ZBTB20: variants seen among roughly 807,000 people sequenced by gnomAD.
ZBTB20 encodes the protein zinc finger and BTB domain containing 20, also known as zinc finger and BTB domain-containing protein 20.
Under a neutral mutation model 56.9 loss-of-function variants are expected in ZBTB20, and 9 were observed. The ratio of observed to expected loss-of-function variants is 0.16; its 90% CI spans 0.10 to 0.28. The LOEUF (loss-of-function observed/expected upper bound fraction) is 0.28. Among genes scored for constraint, ZBTB20 ranks in the 10% least tolerant of loss-of-function variants. ZBTB20 has a pLI of 1.00. For synonymous variants in ZBTB20, 417 were observed against 420.7 expected, an observed-to-expected ratio of 0.99 and a Z score of 0.11; for missense variants, 655 against 1,003.0, an observed-to-expected ratio of 0.65 and a Z score of 4.69.
At chr3:115,002,660 G>A (rs528042040) in intron 2 of ZBTB20, among the ~76,000 whole-genome samples, 43 of 151,606 alleles carry the variant, frequency 2.8e-4, no homozygotes, top group African/African-American at 1.0e-3. Flanking sequence ...CTATTGGAAC[G>A]GCTAAAACTC....
chr3:114,590,182 C>T (rs990337310), intron 6 of ZBTB20, among the ~76,000 whole-genome samples: 5 of 152,116 alleles, frequency 3.3e-5, no homozygotes, highest in Admixed American at 3.3e-4. Context: ...AGGCCGTGTG[C>T]GAAGGCTCAC....
intron 5 of ZBTB20, among the ~76,000 whole-genome samples, chr3:114,733,789 G>T (rs966671741): frequency 1.9e-4 from 29 of 152,286 alleles, no homozygotes; most frequent in African/African-American, 7.0e-4. Flanking sequence ...TGGAAGGGTA[G>T]AAGAAAGGAC....
intron 5 of ZBTB20, among the ~76,000 whole-genome samples, chr3:114,752,263 C>T (rs1271844561): frequency 2.0e-5 from 3 of 150,338 alleles, no homozygotes; most frequent in Admixed American, 6.6e-5. Flanking sequence ...TCTATCTACT[C>T]TAGGTGGGGG....
At chr3:114,765,014 G>A (rs901318856) in intron 5 of ZBTB20, among the ~76,000 whole-genome samples, 13 of 152,002 alleles carry the variant, frequency 8.6e-5, no homozygotes, top group African/African-American at 2.9e-4. Context: ...AAACACTTTC[G>A]GAAGAAAGTA....
At chr3:114,875,276 T>C (rs1237152516) in intron 4 of ZBTB20, among the ~76,000 whole-genome samples, 1 of 152,142 alleles carries the variant, frequency 6.6e-6, no homozygotes, top group East Asian at 1.9e-4. Context: ...CTAAGTAATA[T>C]CAAAAGCTGT....
At chr3:114,986,162 G>A (rs977851173) in intron 2 of ZBTB20, among the ~76,000 whole-genome samples, 1 of 152,008 alleles carries the variant, frequency 6.6e-6, no homozygotes. Flanking sequence ...AAATATATGT[G>A]TATGGGGGGG....
intron 2 of ZBTB20, among the ~76,000 whole-genome samples, chr3:115,038,294 A>C (rs2081008951): frequency 6.6e-6 from 1 of 152,224 alleles, no homozygotes; most frequent in African/African-American, 2.4e-5. Context: ...AGATACTCAT[A>C]AACCCAATTA....
intron 2 of ZBTB20, among the ~76,000 whole-genome samples, chr3:114,999,061 G>C (rs1560477593): frequency 6.8e-6 from 1 of 147,168 alleles, no homozygotes; most frequent in Non-Finnish European, 1.5e-5. Context: ...GAAAGGAGAG[G>C]AGAGGAGAGC....
At chr3:114,817,337 G>A (rs945310766) in intron 4 of ZBTB20, among the ~76,000 whole-genome samples, 6 of 151,810 alleles carry the variant, frequency 4.0e-5, no homozygotes, top group Non-Finnish European at 7.4e-5. Flanking sequence ...TGACCAACAT[G>A]GAGAAACCCC....
At chr3:114,623,677 C>T (rs1417880534) in intron 6 of ZBTB20, among the ~76,000 whole-genome samples, 1 of 152,166 alleles carries the variant, frequency 6.6e-6, no homozygotes, top group African/African-American at 2.4e-5. Context: ...CATGTAAGTA[C>T]TGTGAGCATA....
intron 6 of ZBTB20, among the ~76,000 whole-genome samples, chr3:114,626,801 CATG>C (rs2058679227): frequency 6.6e-6 from 1 of 152,142 alleles, no homozygotes; most frequent in African/African-American, 2.4e-5. Context: ...GCCTTAACCG[CATG>C]ATGAGGGCTT....
At chr3:115,035,196 G>A (rs1334539316) in intron 2 of ZBTB20, among the ~76,000 whole-genome samples, 2 of 151,940 alleles carry the variant, frequency 1.3e-5, no homozygotes, top group African/African-American at 4.8e-5. Flanking sequence ...CATAGGCAAT[G>A]ACAACAAAAA....
intron 1 of ZBTB20, among the ~76,000 whole-genome samples, chr3:115,077,789 T>G (rs1358604195): frequency 6.6e-6 from 1 of 152,130 alleles, no homozygotes; most frequent in Non-Finnish European, 1.5e-5. Flanking sequence ...TTGGTAGGAA[T>G]GCAAAATGGT....
intron 6 of ZBTB20, among the ~76,000 whole-genome samples, chr3:114,683,717 C>A (rs1374949552): frequency 6.6e-6 from 1 of 152,026 alleles, no homozygotes; most frequent in Non-Finnish European, 1.5e-5. Context: ...AAGCCCCACT[C>A]TCCCCATCCT....
At chr3:114,649,920 C>T (rs2107988499) in intron 6 of ZBTB20, among the ~76,000 whole-genome samples, 1 of 151,972 alleles carries the variant, frequency 6.6e-6, no homozygotes, top group South Asian at 2.1e-4. Flanking sequence ...GGGCACCATG[C>T]TTTGAATTTA....
In ZBTB20 at chr3:114,427,174, A is replaced by G. The variant is rs79013881; in HGVS notation, c.-254-38069T>C. On this transcript the variant is annotated intron_variant, in intron 7 of 11. Coordinates refer to ENST00000675478, the MANE Select transcript of ZBTB20 (RefSeq NM_001348800.3). Reference sequence around the variant, plus strand: ...CAGCATCTGAGTGTAACAAGAAATAATACCAAAATGAGAGTTTCCCAAATT... The same window carrying G: ...CAGCATCTGAGTGTAACAAGAAATAGTACCAAAATGAGAGTTTCCCAAATT... Among the ~76,000 whole-genome samples the G allele has an allele frequency of 3.6e-3, 554 of 152,320 alleles. 3 individuals are homozygous for G. Among genetic ancestry groups the G allele is most frequent in the African/African-American group, 0.012 (515 of 41,560 alleles).
At chr3:114,748,352 T>TCTTTTCTCTCTCTCTCTCTCTCTCTC (rs374192570) in intron 5 of ZBTB20, among the ~76,000 whole-genome samples, 1 of 48,652 alleles carries the variant, frequency 2.1e-5, no homozygotes, top group African/African-American at 5.7e-5. Flanking sequence ...TTTCTTTCTT[T>TCTTTTCTCTCTCTCTCTCTCTCTCTC]TCTCTCTCTC....
At chr3:114,536,913 T>C (rs1262216647) in intron 6 of ZBTB20, among the ~76,000 whole-genome samples, 2 of 152,154 alleles carry the variant, frequency 1.3e-5, no homozygotes, top group Non-Finnish European at 2.9e-5. Context: ...TAATAAATGG[T>C]GTTGGGAAAA....
chr3:114,706,048 T>C (rs1299848549), intron 5 of ZBTB20, among the ~76,000 whole-genome samples: 1 of 152,114 alleles, frequency 6.6e-6, no homozygotes, highest in Non-Finnish European at 1.5e-5. Flanking sequence ...CATACTCCCA[T>C]ATAGGTCATG....
Sources: allele counts gnomAD v4.1 joint callset (sites outside exome capture counted in the v4.1 genomes callset), GRCh38; gene constraint gnomAD v4.1.1; transcripts MANE v1.5; gene names NCBI Gene and HGNC (gene_info 2026-07-23, HGNC 2026-07-21).